The following CNTNAP2 variants were observed in gnomAD, a reference collection of about 807,000 sequenced individuals.
CNTNAP2 encodes contactin associated protein 2, also known as contactin-associated protein-like 2.
In CNTNAP2, 98 loss-of-function variants were observed where a neutral mutation model predicts 155.2. That is an observed-to-expected ratio of 0.63 (90% CI 0.54 to 0.75). The LOEUF is 0.75. Among genes scored for constraint, CNTNAP2 ranks in the 30% least tolerant of loss-of-function variants. The probability of loss-of-function intolerance (pLI) is 0.00; values close to 1 mark genes in which losing one functional copy is unlikely to be tolerated. For missense variants in CNTNAP2, 1,727 were observed against 1,688.1 expected, an observed-to-expected ratio of 1.02 and a Z score of -0.40; for synonymous variants, 651 against 631.2, an observed-to-expected ratio of 1.03 and a Z score of -0.47.
At chr7:148,276,622 C>T (rs1008632062) in intron 21 of CNTNAP2, among the ~76,000 whole-genome samples, 2 of 152,228 alleles carry the variant, frequency 1.3e-5, no homozygotes, top group African/African-American at 4.8e-5. Flanking sequence ...CGGGCACTGA[C>T]AGCATCTGCC....
chr7:146,500,909 G>T (rs1335108040), intron 1 of CNTNAP2, among the ~76,000 whole-genome samples: 1 of 152,010 alleles, frequency 6.6e-6, no homozygotes, highest in Non-Finnish European at 1.5e-5. Flanking sequence ...TTCTTAGTTT[G>T]TTGACTATAC....
intron 20 of CNTNAP2, among the ~76,000 whole-genome samples, chr7:148,245,098 T>C (rs191170229): frequency 8.9e-4 from 135 of 152,326 alleles, no homozygotes; most frequent in Middle Eastern, 3.4e-3. Context: ...AGAATACTTT[T>C]AGAGAAGAAT....
At chr7:148,227,803 G>T (rs1277124968) in intron 19 of CNTNAP2, among the ~76,000 whole-genome samples, 1 of 151,884 alleles carries the variant, frequency 6.6e-6, no homozygotes. Context: ...ATTAGCTCTT[G>T]ATTATTCTAA....
At chr7:147,426,281 T>C (rs997208709) in intron 10 of CNTNAP2, among the ~76,000 whole-genome samples, 19 of 152,154 alleles carry the variant, frequency 1.2e-4, no homozygotes, top group Middle Eastern at 3.4e-3. Flanking sequence ...TTTACCTTAC[T>C]CAGTTGTGAT....
intron 1 of CNTNAP2, among the ~76,000 whole-genome samples, chr7:146,472,475 C>G (rs1257327508): frequency 6.6e-6 from 1 of 152,130 alleles, no homozygotes; most frequent in African/African-American, 2.4e-5. Flanking sequence ...CCACTAGGAC[C>G]TCAGAGCATG....
intron 9 of CNTNAP2, among the ~76,000 whole-genome samples, chr7:147,312,302 G>T (rs576938237): frequency 6.6e-6 from 1 of 151,570 alleles, no homozygotes; most frequent in Non-Finnish European, 1.5e-5. Context: ...GGGTACATGT[G>T]CACAATGTGC....
intron 21 of CNTNAP2, among the ~76,000 whole-genome samples, chr7:148,320,029 T>G (rs916936323): frequency 2.0e-5 from 3 of 152,092 alleles, no homozygotes; most frequent in South Asian, 2.1e-4. Context: ...TTCTTGTGAT[T>G]ATGTATTTTA....
chr7:146,699,437 GAGGAT>G (rs1275522722), intron 1 of CNTNAP2, among the ~76,000 whole-genome samples: 7 of 152,206 alleles, frequency 4.6e-5, no homozygotes, highest in African/African-American at 1.7e-4. Context: ...GGGTGTGAGG[GAGGAT>G]AGGCATTCTA....
chr7:146,577,921 C>A (rs966453259), intron 1 of CNTNAP2, among the ~76,000 whole-genome samples: 6 of 151,930 alleles, frequency 3.9e-5, no homozygotes, highest in African/African-American at 1.4e-4. Flanking sequence ...GAGATAAGGA[C>A]ATGTGTATAG....
intron 10 of CNTNAP2, among the ~76,000 whole-genome samples, chr7:147,457,560 G>T (rs55851730): frequency 0.76 from 114,939 of 150,640 alleles, 44,021 homozygotes; most frequent in African/African-American, 0.83. Context: ...GATATGAGAG[G>T]TTTTTTTTCC....
rs77269473 is a variant in CNTNAP2 at position 147,444,821 on chromosome 7, A to G, written c.1671-41114A>G. On this transcript the variant is annotated intron_variant, in intron 10 of 23. Coordinates refer to ENST00000361727, the MANE Select transcript of CNTNAP2 (RefSeq NM_014141.6). ...TTAGTCCGTTATCACACTGCTATAA[A>G]GAACTACTTGAGACTGGGTAATTTA... Among the ~76,000 whole-genome samples, 91 of 152,320 alleles carry G rather than the reference A, an allele frequency of 6.0e-4. No homozygotes were observed. In the East Asian group the frequency reaches 0.017, roughly 29 times the overall value.
chr7:146,372,614 A>T (rs1208722040), intron 1 of CNTNAP2, among the ~76,000 whole-genome samples: 1 of 149,042 alleles, frequency 6.7e-6, no homozygotes, highest in Non-Finnish European at 1.5e-5. Flanking sequence ...CAAAGAGGCG[A>T]GTAAGAGGCG....
At chr7:146,288,317 AAT>A (rs1800371332) in intron 1 of CNTNAP2, among the ~76,000 whole-genome samples, 1 of 150,872 alleles carries the variant, frequency 6.6e-6, no homozygotes, top group African/African-American at 2.5e-5. Context: ...AAAAAAAAAA[AAT>A]TTGTGTTTTC....
intron 21 of CNTNAP2, among the ~76,000 whole-genome samples, chr7:148,379,922 A>T (rs1049726098): frequency 6.6e-6 from 1 of 152,182 alleles, no homozygotes; most frequent in African/African-American, 2.4e-5. Flanking sequence ...TAACTGAACA[A>T]GGAGCGGGAA....
chr7:147,411,055 T>A (rs1797094451), intron 10 of CNTNAP2, among the ~76,000 whole-genome samples: 1 of 152,158 alleles, frequency 6.6e-6, no homozygotes, highest in African/African-American at 2.4e-5. Flanking sequence ...ACAATGCAGA[T>A]CCCCAGAATG....
intron 3 of CNTNAP2, among the ~76,000 whole-genome samples, chr7:146,860,410 G>A (rs2129205023): frequency 6.6e-6 from 1 of 152,230 alleles, no homozygotes; most frequent in South Asian, 2.1e-4. Context: ...GGGTGGCAGG[G>A]TGTGTGGCCT....
At chr7:146,369,347 T>TA (rs1795200814) in intron 1 of CNTNAP2, among the ~76,000 whole-genome samples, 1 of 152,102 alleles carries the variant, frequency 6.6e-6, no homozygotes, top group Admixed American at 6.5e-5. Flanking sequence ...AATGTTTTGA[T>TA]GTTTCGTACA....
intron 3 of CNTNAP2, among the ~76,000 whole-genome samples, chr7:146,980,170 G>A (rs1386411494): frequency 6.6e-6 from 1 of 152,076 alleles, no homozygotes; most frequent in Non-Finnish European, 1.5e-5. Flanking sequence ...AGATTAATAG[G>A]AAATCAGGTG....
intron 8 of CNTNAP2, among the ~76,000 whole-genome samples, chr7:147,272,620 T>C (rs1479895377): frequency 2.6e-5 from 4 of 151,584 alleles, no homozygotes; most frequent in Non-Finnish European, 5.9e-5. Flanking sequence ...TGCCTCAGCC[T>C]CTCGAGTAGC....
Sources: gnomAD v4.1 joint callset for allele counts (sites outside exome capture counted in the v4.1 genomes callset) on GRCh38, gnomAD v4.1.1 for gene constraint, MANE v1.5 for transcripts, NCBI Gene and HGNC (gene_info 2026-07-23, HGNC 2026-07-21) for gene names.